The following LMO7 variants were observed in gnomAD, a reference collection of about 807,000 sequenced individuals.
The protein encoded by LMO7 is LIM domain 7.
In LMO7, 120 loss-of-function variants were observed where a neutral mutation model predicts 206.5. That is an observed-to-expected ratio of 0.58 (90% CI 0.50 to 0.68). The LOEUF (loss-of-function observed/expected upper bound fraction) is 0.68, where lower values mean the gene tolerates loss of function less well. Among genes scored for constraint, LMO7 ranks in the 30% least tolerant of loss-of-function variants. The pLI is 0.00. For missense variants in LMO7, 1,959 were observed against 1,957.9 expected (o/e 1.00, Z -0.01); for synonymous variants, 706 against 681.5 (o/e 1.04, Z -0.56).
chr13:75,770,515 C>A (rs56030259), intron 4 of LMO7, among the ~76,000 whole-genome samples: 16,504 of 152,048 alleles, frequency 0.11, 1,324 homozygotes, highest in Admixed American at 0.24. Flanking sequence ...TCCTTTCCTA[C>A]CTTGATCTTA....
chr13:75,848,431 T>TCATCTATCTATC (rs1555348051), intron 26 of LMO7, among the ~76,000 whole-genome samples: 27,317 of 150,598 alleles, frequency 0.18, 2,941 homozygotes, highest in South Asian at 0.26. Flanking sequence ...TTCCATGCGA[T>TCATCTATCTATC]TATCTATCTA....
At chr13:75,775,829 C>G (rs1434419715) in intron 4 of LMO7, among the ~76,000 whole-genome samples, 1 of 151,502 alleles carries the variant, frequency 6.6e-6, no homozygotes, top group African/African-American at 2.4e-5. Context: ...GGTGAAGATG[C>G]AGATAGAAGG....
At chr13:75,847,809 G>A (rs1056970037) in intron 26 of LMO7, among the ~76,000 whole-genome samples, 1 of 152,110 alleles carries the variant, frequency 6.6e-6, no homozygotes, top group African/African-American at 2.4e-5. Flanking sequence ...TGTGTTCTGT[G>A]GTGTGGCTCT....
intron 27 of LMO7, among the ~76,000 whole-genome samples, chr13:75,852,569 C>T (rs1386088598): frequency 6.6e-6 from 1 of 152,198 alleles, no homozygotes; most frequent in African/African-American, 2.4e-5. Context: ...TGAAGATCAA[C>T]TTTACTTGTT....
intron 1 of LMO7, among the ~76,000 whole-genome samples, chr13:75,666,268 G>A (rs982380353): frequency 2.6e-5 from 4 of 152,136 alleles, no homozygotes; most frequent in Non-Finnish European, 5.9e-5. Context: ...ACTGTTCAAC[G>A]CATCAGTTGT....
Position 75,658,791 on chromosome 13 carries a change from G to A in LMO7, c.69+22065G>A, listed in dbSNP as rs185087661. Reference sequence around the variant, plus strand: ...TTTTTAGTAGAGACGGGGTTTCACTGTGTTAGCCAGGATGGTTTTAATCTC... The same window carrying A: ...TTTTTAGTAGAGACGGGGTTTCACTATGTTAGCCAGGATGGTTTTAATCTC... On this transcript the variant is annotated intron_variant, in intron 1 of 30. Coordinates refer to ENST00000377534, the MANE Select transcript of LMO7 (RefSeq NM_001306080.2). Among the ~76,000 whole-genome samples, 281 of 150,448 alleles carry A rather than the reference G, an allele frequency of 1.9e-3. 5 individuals are homozygous for A. The East Asian group carries it at 0.048, about 26-fold the overall frequency.
chr13:75,842,345 A>G (rs2059617852), intron 24 of LMO7, among the ~76,000 whole-genome samples: 1 of 151,974 alleles, frequency 6.6e-6, no homozygotes, highest in Admixed American at 6.6e-5. Flanking sequence ...TTTCTAGTTC[A>G]TCTGCTTGGA....
intron 3 of LMO7, among the ~76,000 whole-genome samples, chr13:75,751,108 A>T (rs117884340): frequency 0.017 from 2,586 of 148,862 alleles, 34 homozygotes; most frequent in Middle Eastern, 0.047. Flanking sequence ...CTTTAGGATA[A>T]ATTGATCAGC....
chr13:75,682,806 T>A (rs1476694905), intron 1 of LMO7, among the ~76,000 whole-genome samples: 2 of 152,216 alleles, frequency 1.3e-5, no homozygotes, highest in Non-Finnish European at 2.9e-5. Flanking sequence ...CAATGTTTAC[T>A]ACAATAAGAG....
intron 3 of LMO7, among the ~76,000 whole-genome samples, chr13:75,737,615 T>C (rs1187884516): frequency 1.4e-5 from 2 of 145,502 alleles, no homozygotes; most frequent in African/African-American, 2.6e-5. Context: ...TAGCCGGGCG[T>C]GGTAGCGGGC....
At chr13:75,805,430 T>C in intron 8 of LMO7, 49 bp from the exon 9 acceptor site, 1 of 1,553,104 alleles carries the variant, frequency 6.4e-7, no homozygotes, top group African/African-American at 1.4e-5. Flanking sequence ...TTGTGTTCTG[T>C]GTCACAAATG....
chr13:75,819,511 C>A lies in LMO7; in HGVS notation c.2183C>A (p.Thr728Lys). 2 of 1,603,990 alleles carry A rather than the reference C, an allele frequency of 1.2e-6. No individual in the cohort carries two copies. Among genetic ancestry groups the A allele is most frequent in the South Asian group, 2.2e-5 (2 of 89,016 alleles). Residue 728 changes from threonine to lysine, a missense_variant, in exon 13 of 31, where the codon ACG becomes AAG. Transcript: ENST00000377534. ...GAGAAGTCTAAGAGAAGCTCTAAGA[C>A]GTTTAAGGAAATGCTGCAGGACAGG... ...ALEKSKRSSK[T>K]FKEMLQDRES...
At chr13:75,841,605 T>A in intron 23 of LMO7, 23 bp from the exon 24 acceptor site, 1 of 1,493,560 alleles carries the variant, frequency 6.7e-7, no homozygotes, top group South Asian at 1.2e-5. Flanking sequence ...TTAGATGGAT[T>A]TCTTTTTTCA....
chr13:75,712,410 T>G (rs1285043128), intron 1 of LMO7, among the ~76,000 whole-genome samples: 3 of 152,118 alleles, frequency 2.0e-5, no homozygotes, highest in Admixed American at 6.5e-5. Context: ...GTGACCTTCA[T>G]TTTCTCTGCT....
chr13:75,774,212 T>C (rs1045920228), intron 4 of LMO7, among the ~76,000 whole-genome samples: 1 of 152,158 alleles, frequency 6.6e-6, no homozygotes, highest in Non-Finnish European at 1.5e-5. Flanking sequence ...TTTTCTCATG[T>C]CCCTAAGATC....
chr13:75,666,548 C>G (rs1407785436), intron 1 of LMO7, among the ~76,000 whole-genome samples: 1 of 152,124 alleles, frequency 6.6e-6, no homozygotes, highest in Non-Finnish European at 1.5e-5. Flanking sequence ...TACTGTATTC[C>G]TAAGGCCATT....
At chr13:75,623,474 G>A (rs1045639563) in intron 2 of LMO7, among the ~76,000 whole-genome samples, 2 of 151,722 alleles carry the variant, frequency 1.3e-5, no homozygotes, top group African/African-American at 4.8e-5. Flanking sequence ...AGTGATTCTC[G>A]TGTCTCAGCC....
Position 75,821,285 on chromosome 13 carries a change from A to G in LMO7, c.2316A>G (p.Ala772=), listed in dbSNP as rs777108612. Residue 772 remains alanine, a synonymous_variant, in exon 14 of 31, where the codon GCA becomes GCG. Coordinates refer to ENST00000377534, the MANE Select transcript of LMO7 (RefSeq NM_001306080.2). ...KRPPTMTVSE[A]SYQSERVEEK... Reference sequence around the variant, plus strand: ...CCCCTACAATGACTGTGTCAGAAGCAAGTTACCAGAGTGAGAGAGTAGAAG... The same window carrying G: ...CCCCTACAATGACTGTGTCAGAAGCGAGTTACCAGAGTGAGAGAGTAGAAG... 4.3e-6 allele frequency: 7 copies of G among 1,614,136 alleles called. No homozygotes were observed.
At chr13:75,835,418 T>A in intron 18 of LMO7, 79 bp downstream of exon 18, 1 of 895,632 alleles carries the variant, frequency 1.1e-6, no homozygotes, top group Non-Finnish European at 1.6e-6. Context: ...AAATAATTTC[T>A]TTTGTTTGTA....
Sources: allele counts gnomAD v4.1 joint callset (sites outside exome capture counted in the v4.1 genomes callset), GRCh38; gene constraint gnomAD v4.1.1; transcripts MANE v1.5; gene names NCBI Gene and HGNC (gene_info 2026-07-23, HGNC 2026-07-21).